Variants in CUX2 observed in about 807,000 individuals in gnomAD.
CUX2 encodes the protein homeobox protein cut-like 2.
A neutral mutation model predicts 144.8 loss-of-function variants in CUX2; 40 were observed. The observed-to-expected ratio is 0.28, with a 90% CI of 0.21 to 0.36. The LOEUF (loss-of-function observed/expected upper bound fraction) is 0.36, where lower values mean the gene tolerates loss of function less well. Ranked by LOEUF, CUX2 falls within the 10% of genes least tolerant of loss-of-function variation. The pLI is 1.00. For missense variants in CUX2, 1,615 were observed against 1,994.0 expected (o/e 0.81, Z 3.62); for synonymous variants, 827 against 875.6 (o/e 0.94, Z 0.98).
In CUX2 at chr12:111,115,279, C is replaced by CTTT. The variant is rs869307048; in HGVS notation, c.63+81061_63+81063dup. ...GATCAATTTGGAGATAATAAAATTT[C>CTTT]TTTTTTTTTTTTTTTTTTTTTTTTG... On this transcript the variant is annotated intron_variant, in intron 1 of 21. Transcript: ENST00000261726. 4.3e-3 allele frequency among the ~76,000 whole-genome samples: 380 copies of CTTT among 88,736 alleles called. 1 individual carries two copies. The highest frequency in any genetic ancestry group is 5.2e-3 in the East Asian group (14 of 2,688). The allele number at this position is 88,736 out of a possible 152,430, so 58.2% of individuals were successfully genotyped here. A position where few individuals can be genotyped will look rare whatever the true frequency, so the allele number is the denominator to read the frequency against.
intron 1 of CUX2, among the ~76,000 whole-genome samples, chr12:111,130,746 A>G (rs943672993): frequency 6.6e-6 from 1 of 152,178 alleles, no homozygotes; most frequent in Non-Finnish European, 1.5e-5. Flanking sequence ...TTCCTTTTAG[A>G]TTAAACCAAG....
At chr12:111,247,234 G>A (rs1883320764) in intron 3 of CUX2, among the ~76,000 whole-genome samples, 1 of 152,166 alleles carries the variant, frequency 6.6e-6, no homozygotes, top group African/African-American at 2.4e-5. Flanking sequence ...CAAGGACCCC[G>A]GCTAGACTGG....
At chr12:111,217,857 C>T (rs1467732259) in intron 2 of CUX2, 33 bp from the exon 3 acceptor site, 6 of 1,613,546 alleles carry the variant, frequency 3.7e-6, no homozygotes, top group Admixed American at 3.3e-5. Flanking sequence ...CCACCTGGCA[C>T]TGTAGTGAAC....
At chr12:111,346,584 C>A (rs1888822313) in intron 21 of CUX2, among the ~76,000 whole-genome samples, 1 of 152,090 alleles carries the variant, frequency 6.6e-6, no homozygotes, top group Non-Finnish European at 1.5e-5. Flanking sequence ...TGCTAATAGT[C>A]TATATTAGTG....
chr12:111,078,575 C>T (rs1196058028), intron 1 of CUX2, among the ~76,000 whole-genome samples: 6 of 152,164 alleles, frequency 3.9e-5, no homozygotes, highest in East Asian at 1.9e-4. Flanking sequence ...GAGGCTGAGG[C>T]GGGAGGATCA....
intron 3 of CUX2, among the ~76,000 whole-genome samples, chr12:111,241,722 C>T (rs909373743): frequency 1.3e-5 from 2 of 152,280 alleles, no homozygotes; most frequent in Non-Finnish European, 2.9e-5. Context: ...TGGCCAGGCC[C>T]TTGAGGGGCA....
chr12:111,271,717 A>G (rs909108626), intron 4 of CUX2, among the ~76,000 whole-genome samples: 1 of 152,258 alleles, frequency 6.6e-6, no homozygotes, highest in African/African-American at 2.4e-5. Flanking sequence ...CTAGTTCACT[A>G]AATATCTTTT....
chr12:111,184,258 T>C (rs1022103409), intron 1 of CUX2, among the ~76,000 whole-genome samples: 4 of 152,068 alleles, frequency 2.6e-5, no homozygotes, highest in African/African-American at 9.7e-5. Context: ...GTGGCATTAA[T>C]AGTAAGAGGA....
At chr12:111,215,663 T>C (rs528879834) in intron 2 of CUX2, among the ~76,000 whole-genome samples, 1 of 152,310 alleles carries the variant, frequency 6.6e-6, no homozygotes, top group African/African-American at 2.4e-5. Flanking sequence ...GAGCTCAGCT[T>C]GGTCTGGAAA....
At chr12:111,219,846 ATAAT>A (rs1279641563) in intron 3 of CUX2, among the ~76,000 whole-genome samples, 8 of 152,134 alleles carry the variant, frequency 5.3e-5, no homozygotes, top group South Asian at 2.1e-4. Context: ...AAATGGAATA[ATAAT>A]TATACATATT....
chr12:111,070,049 C>T (rs1871193328), intron 1 of CUX2, among the ~76,000 whole-genome samples: 1 of 152,174 alleles, frequency 6.6e-6, no homozygotes, highest in Non-Finnish European at 1.5e-5. Flanking sequence ...CTCCTGGCCG[C>T]AGAGCTTGGC....
At chr12:111,296,185 C>G (rs1472592335) in intron 7 of CUX2, among the ~76,000 whole-genome samples, 2 of 152,100 alleles carry the variant, frequency 1.3e-5, no homozygotes, top group South Asian at 2.1e-4. Flanking sequence ...CCTCCACCCC[C>G]CAACCCCGGC....
chr12:111,048,764 C>T (rs553735865), intron 1 of CUX2, among the ~76,000 whole-genome samples: 1 of 152,172 alleles, frequency 6.6e-6, no homozygotes, highest in South Asian at 2.1e-4. Context: ...CCCAGGGGGT[C>T]GTGTGCTGAC....
At position 111,040,695 on chromosome 12, in the gene CUX2, G is replaced by A. The variant is rs188396882; in HGVS notation, c.63+6455G>A. ...GACCATAGAACCCTCTCAGGGTATG[G>A]TCTCTCTCTACACATGCTAGGTTTA... On this transcript the variant is annotated intron_variant, in intron 1 of 21. Transcript: ENST00000261726. 1.2e-3 allele frequency among the ~76,000 whole-genome samples: 188 copies of A among 152,216 alleles called. 2 individuals are homozygous for A. The highest frequency in any genetic ancestry group is 0.011 in the Admixed American group (162 of 15,302).
At chr12:111,316,539 TC>T (rs1565914063) in intron 16 of CUX2, among the ~76,000 whole-genome samples, 1 of 142,942 alleles carries the variant, frequency 7.0e-6, no homozygotes. Flanking sequence ...AACCTCCACT[TC>T]CCAGGTTCAA....
chr12:111,194,792 G>C (rs1365988621), intron 1 of CUX2, among the ~76,000 whole-genome samples: 1 of 152,248 alleles, frequency 6.6e-6, no homozygotes, highest in Non-Finnish European at 1.5e-5. Context: ...TCAGACGAGA[G>C]GCTGATTACA....
Position 111,217,573 on chromosome 12 carries a change from C to T in CUX2, c.175-317C>T, listed in dbSNP as rs188478209. ...GGACCACCTATCTCACAAGATATTT[C>T]GCATAAAAGACCATTCTATGATCAC... On this transcript the variant is annotated intron_variant, in intron 2 of 21. Coordinates refer to ENST00000261726, the MANE Select transcript of CUX2 (RefSeq NM_015267.4). 8.5e-5 allele frequency among the ~76,000 whole-genome samples: 13 copies of T among 152,314 alleles called. 1 individual carries two copies. The South Asian group carries it at 2.1e-3, about 24-fold the overall frequency.
rs1886808847 is a variant in CUX2, at chr12:111,310,121, C to T, written c.1339C>T (p.Pro447Ser). The T allele has an allele frequency of 6.7e-7, 1 of 1,494,276 alleles. No homozygotes were observed. The highest frequency in any genetic ancestry group is 1.4e-5 in the African/African-American group (1 of 71,114). 92.6% of individuals were successfully genotyped at this position (1,494,276 alleles called of 1,614,324 possible). A position where few individuals can be genotyped will look rare whatever the true frequency, so the allele number is the denominator to read the frequency against. Residue 447 changes from proline to serine, a missense_variant, in exon 15 of 22, where the codon CCT (proline) becomes TCT (serine). By Grantham distance (74) the Pro-to-Ser change is moderately conservative. Coordinates refer to ENST00000261726, the MANE Select transcript of CUX2 (RefSeq NM_015267.4). This position sits in a 1 kb window ranked among gnomAD's most constrained non-coding sequence, Gnocchi z 7.9. ...QSYPSPQQLP[P>S]PPGPEDPLSP... ...CTACCCCTCCCCTCAGCAGCTCCCACCTCCACCAGGGCCAGAAGACCCCCT... is the reference window on the plus strand; with the variant it reads ...CTACCCCTCCCCTCAGCAGCTCCCATCTCCACCAGGGCCAGAAGACCCCCT...
intron 16 of CUX2, among the ~76,000 whole-genome samples, chr12:111,319,663 C>T (rs1887401799): frequency 6.6e-6 from 1 of 152,194 alleles, no homozygotes; most frequent in African/African-American, 2.4e-5. Flanking sequence ...AGTGGGGAGG[C>T]AGAGGTTGCA....
Sources: allele counts gnomAD v4.1 joint callset (sites outside exome capture counted in the v4.1 genomes callset), GRCh38; gene constraint gnomAD v4.1.1; non-coding constraint Gnocchi (gnomAD v3.1); transcripts MANE v1.5; gene names NCBI Gene and HGNC (gene_info 2026-07-23, HGNC 2026-07-21).